Variants in ADAMTS2 observed in about 807,000 individuals in gnomAD.
The protein encoded by ADAMTS2 is A disintegrin and metalloproteinase with thrombospondin motifs 2.
A neutral mutation model predicts 123.0 loss-of-function variants in ADAMTS2; 50 were observed. The observed-to-expected ratio is 0.41, with a 90% CI of 0.32 to 0.51. The LOEUF (loss-of-function observed/expected upper bound fraction) is 0.51. ADAMTS2 is among the 20% of genes least tolerant of loss of function. ADAMTS2 has a pLI of 0.35. For missense variants in ADAMTS2, 1,494 were observed against 1,705.2 expected (o/e 0.88, Z 2.18); for synonymous variants, 678 against 695.4 (o/e 0.98, Z 0.39).
chr5:179,329,700 C>A (rs939615533), intron 2 of ADAMTS2, among the ~76,000 whole-genome samples: 3 of 152,086 alleles, frequency 2.0e-5, no homozygotes, highest in African/African-American at 7.2e-5. Flanking sequence ...AAACACCAGC[C>A]CGGCAGAATA....
At chr5:179,281,206 A>T (rs758204502) in intron 2 of ADAMTS2, among the ~76,000 whole-genome samples, 4 of 152,244 alleles carry the variant, frequency 2.6e-5, no homozygotes, top group African/African-American at 9.6e-5. Context: ...TGTGATTACC[A>T]TACCATACAT....
intron 5 of ADAMTS2, among the ~76,000 whole-genome samples, chr5:179,159,166 T>C (rs980752140): frequency 2.0e-5 from 3 of 152,216 alleles, no homozygotes; most frequent in Non-Finnish European, 4.4e-5. Flanking sequence ...AGGCCTCGCA[T>C]AGTCCCACCG....
chr5:179,197,466 C>T lies in ADAMTS2; in HGVS notation c.891+10047G>A, dbSNP rs754855157. On this transcript the variant is annotated intron_variant, in intron 4 of 21. Coordinates refer to ENST00000251582, the MANE Select transcript of ADAMTS2 (RefSeq NM_014244.5). This position sits in a 1 kb window ranked among gnomAD's most constrained non-coding sequence, Gnocchi z 4.2. Reference sequence around the variant, plus strand: ...GTATCTGTAGCCAGGCGTGGTGGCTCGTGCCTGTGATCCCAGCTACTCAGG... The same window carrying T: ...GTATCTGTAGCCAGGCGTGGTGGCTTGTGCCTGTGATCCCAGCTACTCAGG... Among the ~76,000 whole-genome samples, 29 of 152,136 alleles carry T rather than the reference C, an allele frequency of 1.9e-4. No individual in the cohort carries two copies. The highest frequency in any genetic ancestry group is 6.8e-4 in the African/African-American group (28 of 41,420).
In ADAMTS2 at chr5:179,303,471, T is replaced by A. The variant is rs1756586611; in HGVS notation, c.535-30407A>T. ...GTGAGGTTCAGCAAACCCGCAGAGTTTACTCTTCATTCTCTGGTATTCCTC... is the reference window on the plus strand; with the variant it reads ...GTGAGGTTCAGCAAACCCGCAGAGTATACTCTTCATTCTCTGGTATTCCTC... On this transcript the variant is annotated intron_variant, in intron 2 of 21. Transcript: ENST00000251582. This position sits in a 1 kb window ranked among gnomAD's most constrained non-coding sequence, Gnocchi z 4.7. Among the ~76,000 whole-genome samples, 1 of 152,056 alleles carries A rather than the reference T, an allele frequency of 6.6e-6. No individual in the cohort carries two copies. The highest frequency in any genetic ancestry group is 2.1e-4 in the South Asian group (1 of 4,800).
chr5:179,153,992 C>T (rs1053365323), intron 8 of ADAMTS2, 57 bp downstream of exon 8: 1 of 1,561,576 alleles, frequency 6.4e-7, no homozygotes, highest in Non-Finnish European at 8.6e-7. Flanking sequence ...TTGCACCCTC[C>T]CAGAGCTGAC....
chr5:179,134,309 A>C (rs916810639), intron 13 of ADAMTS2, among the ~76,000 whole-genome samples: 1 of 152,094 alleles, frequency 6.6e-6, no homozygotes, highest in East Asian at 1.9e-4. Context: ...TTGGGGACAC[A>C]CCTTTCACAT....
rs377262724 is a variant in ADAMTS2 at position 179,222,887 on chromosome 5, C to T, written c.689-15172G>A. 3.8e-4 allele frequency among the ~76,000 whole-genome samples: 58 copies of T among 152,342 alleles called. No homozygotes were observed. The East Asian group carries it at 4.6e-3, about 12-fold the overall frequency. ...GCCTCCGAACCTCCAGCATGCTTCT[C>T]CCAGGGCAGGAGCACCCTCCCCAGA... is the stretch of plus-strand genomic sequence containing the variant. On this transcript the variant is annotated intron_variant, in intron 3 of 21. Coordinates refer to ENST00000251582, the MANE Select transcript of ADAMTS2 (RefSeq NM_014244.5).
Position 179,118,932 on chromosome 5 carries a change from T to C in ADAMTS2, c.3178+2729A>G, listed in dbSNP as rs1762706940. On this transcript the variant is annotated intron_variant, in intron 21 of 21. Coordinates refer to ENST00000251582, the MANE Select transcript of ADAMTS2 (RefSeq NM_014244.5). This position sits in a 1 kb window ranked among gnomAD's most constrained non-coding sequence, Gnocchi z 4.5. ...CCACCGAATCACCTTCCATTTCCCA[T>C]GCTTTGGAAAATGCTGGATGGAGAA... Among the ~76,000 whole-genome samples the C allele has an allele frequency of 6.6e-6, 1 of 152,246 alleles. No homozygotes were observed. Among genetic ancestry groups the C allele is most frequent in the African/African-American group, 2.4e-5 (1 of 41,464 alleles).
Position 179,332,401 on chromosome 5 carries a change from A to G in ADAMTS2, c.534+11366T>C, listed in dbSNP as rs1046879653. ...TTGGGGAAGTGAGGCTGAATTCTCA[A>G]CCCAACAATCCAGAAACTCTTATAT... is the stretch of plus-strand genomic sequence containing the variant. On this transcript the variant is annotated intron_variant, in intron 2 of 21. Transcript: ENST00000251582. This position sits in a 1 kb window ranked among gnomAD's most constrained non-coding sequence, Gnocchi z 4.2. Among the ~76,000 whole-genome samples the G allele has an allele frequency of 2.6e-5, 4 of 152,160 alleles. No individual in the cohort carries two copies. Among genetic ancestry groups the G allele is most frequent in the Non-Finnish European group, 4.4e-5 (3 of 68,038 alleles).
In ADAMTS2 at chr5:179,312,588, G is replaced by A. The variant is rs142396660; in HGVS notation, c.534+31179C>T. On this transcript the variant is annotated intron_variant, in intron 2 of 21. Transcript: ENST00000251582. This position sits in a 1 kb window ranked among gnomAD's most constrained non-coding sequence, Gnocchi z 4.2. The stretch of plus-strand genomic sequence containing the variant: ...TAGCAGCCTGCATGGACTAAGACAG[G>A]CCCTAAATGCAATCACACTTCTCTT... Among the ~76,000 whole-genome samples the A allele has an allele frequency of 6.6e-6, 1 of 152,316 alleles. No homozygotes were observed. The highest frequency in any genetic ancestry group is 1.5e-5 in the Non-Finnish European group (1 of 68,024).
rs138939085 is a variant in ADAMTS2 at position 179,225,715 on chromosome 5, G to A, written c.689-18000C>T. Among the ~76,000 whole-genome samples the A allele has an allele frequency of 2.4e-4, 37 of 152,268 alleles. 1 individual carries two copies. The highest frequency in any genetic ancestry group is 6.8e-3 in the Middle Eastern group (2 of 294). ...GAGAGCCCAGGCTGCTTAGCGGCCCGACTCCAGGGAAAGCCCTTTGCACCC... is the reference window on the plus strand; with the variant it reads ...GAGAGCCCAGGCTGCTTAGCGGCCCAACTCCAGGGAAAGCCCTTTGCACCC... On this transcript the variant is annotated intron_variant, in intron 3 of 21. Coordinates refer to ENST00000251582, the MANE Select transcript of ADAMTS2 (RefSeq NM_014244.5). This position sits in a 1 kb window ranked among gnomAD's most constrained non-coding sequence, Gnocchi z 4.5.
intron 10 of ADAMTS2, among the ~76,000 whole-genome samples, chr5:179,142,744 G>A (rs536405879): frequency 1.3e-5 from 2 of 152,208 alleles, no homozygotes; most frequent in Non-Finnish European, 2.9e-5. Context: ...CCTCTGGGGA[G>A]CAATATCAGT....
intron 1 of ADAMTS2, 32 bp from the exon 2 acceptor site, chr5:179,344,193 G>T: frequency 6.4e-7 from 1 of 1,557,552 alleles, no homozygotes; most frequent in South Asian, 1.2e-5. Context: ...GATCGGCGGA[G>T]ACCACGGAGC....
At chr5:179,319,427 A>C (rs1470623941) in intron 2 of ADAMTS2, among the ~76,000 whole-genome samples, 1 of 152,108 alleles carries the variant, frequency 6.6e-6, no homozygotes, top group Non-Finnish European at 1.5e-5. Context: ...AAGCACATGC[A>C]TTATACATGC....
At chr5:179,153,688 C>A in intron 8 of ADAMTS2, 65 bp from the exon 9 acceptor site, 1 of 1,543,650 alleles carries the variant, frequency 6.5e-7, no homozygotes, top group Non-Finnish European at 8.7e-7. Flanking sequence ...GCCCTGGAGG[C>A]AGCTGAGGCC....
At position 179,329,172 on chromosome 5, in the gene ADAMTS2, A is replaced by C. The variant is rs533054480; in HGVS notation, c.534+14595T>G. Among the ~76,000 whole-genome samples, 8 of 151,966 alleles carry C rather than the reference A, an allele frequency of 5.3e-5. No individual in the cohort carries two copies. The East Asian group carries it at 1.5e-3, about 29-fold the overall frequency. On this transcript the variant is annotated intron_variant, in intron 2 of 21. Transcript: ENST00000251582. ...GAAACCCCGTCTCTACTAAAAATAC[A>C]AAAAATTAGCCGGGTGTGGTGGCGG...
intron 3 of ADAMTS2, among the ~76,000 whole-genome samples, chr5:179,258,083 T>C (rs977058564): frequency 3.4e-4 from 51 of 152,062 alleles, no homozygotes; most frequent in African/African-American, 1.2e-3. Flanking sequence ...CCAGGCAAGG[T>C]TGAGAGGACA....
rs374842471 is a variant in ADAMTS2 at position 179,114,261 on chromosome 5, G to A, written c.3242C>T (p.Ser1081Phe). ...CRMEVLSRYC[S>F]IPGYNKLCCK... ...GCACAGCTTGTTGTAGCCTGGGATG[G>A]AGCAATAGCGGGACAAGACTTCCAT... Residue 1081 changes from serine to phenylalanine, a missense_variant, in exon 22 of 22, where the codon TCC (serine) becomes TTC (phenylalanine). By Grantham distance (155) the Ser-to-Phe change is radical. Coordinates refer to ENST00000251582, the MANE Select transcript of ADAMTS2 (RefSeq NM_014244.5). The A allele has an allele frequency of 3.1e-6, 5 of 1,614,056 alleles. No homozygotes were observed. The highest frequency in any genetic ancestry group is 1.3e-5 in the African/African-American group (1 of 74,924).
chr5:179,289,079 C>T (rs1021643192), intron 2 of ADAMTS2, among the ~76,000 whole-genome samples: 1 of 152,190 alleles, frequency 6.6e-6, no homozygotes, highest in Admixed American at 6.5e-5. Context: ...AGGCTGCAGC[C>T]CCCCAGCTGG....
Sources: allele counts gnomAD v4.1 joint callset (sites outside exome capture counted in the v4.1 genomes callset), GRCh38; gene constraint gnomAD v4.1.1; non-coding constraint Gnocchi (gnomAD v3.1); transcripts MANE v1.5; gene names NCBI Gene and HGNC (gene_info 2026-07-23, HGNC 2026-07-21).